The following STK32A variants were observed in gnomAD, a reference collection of about 807,000 sequenced individuals.
STK32A encodes serine/threonine kinase 32A.
Under a neutral mutation model 53.2 loss-of-function variants are expected in STK32A, and 41 were observed. The ratio of observed to expected loss-of-function variants is 0.77; its 90% CI spans 0.60 to 1.00. The LOEUF is 1.00. Ranked by LOEUF, STK32A falls within the 50% of genes least tolerant of loss-of-function variation. The pLI is 0.00. For synonymous variants in STK32A, 166 were observed against 162.8 expected (o/e 1.02, Z -0.15); for missense variants, 458 against 485.8 (o/e 0.94, Z 0.54).
At chr5:147,390,584 GA>G (rs994771324), downstream of STK32A, among the ~76,000 whole-genome samples, 4 of 150,926 alleles carry the variant, frequency 2.7e-5, no homozygotes, top group Non-Finnish European at 5.9e-5. Flanking sequence ...ATCCACAGAA[GA>G]AAAAAACTTA....
At chr5:147,322,580 G>A (rs982620591) in intron 4 of STK32A, among the ~76,000 whole-genome samples, 2 of 152,020 alleles carry the variant, frequency 1.3e-5, no homozygotes, top group African/African-American at 2.4e-5. Context: ...TGCATCCCTG[G>A]GCACTGCTTG....
intron 2 of STK32A, among the ~76,000 whole-genome samples, chr5:147,265,925 T>C (rs1011509040): frequency 3.9e-5 from 6 of 152,174 alleles, no homozygotes; most frequent in Admixed American, 6.5e-5. Context: ...AACCAGTGCT[T>C]ACAATTTGTC....
rs781391712 is a variant in STK32A, at chr5:147,279,373, G to C, written c.235G>C (p.Glu79Gln). 105 of 1,601,498 alleles carry C rather than the reference G, an allele frequency of 6.6e-5. No individual in the cohort carries two copies. The highest frequency in any genetic ancestry group is 8.5e-5 in the Non-Finnish European group (100 of 1,173,672). The change falls in exon 4 of 13, where the codon GAG (glutamate) becomes CAG (glutamine). Residue 79 changes from glutamate to glutamine, a missense_variant. Coordinates refer to ENST00000397936, the MANE Select transcript of STK32A (RefSeq NM_001112724.2). ...FKELQIMQGL[E>Q]HPFLVNLWYS... The stretch of plus-strand genomic sequence containing the variant: ...GGAACTCCAGATCATGCAGGGTCTG[G>C]AGCACCCTTTCCTGGTTAATTTGTG...
chr5:147,239,783 A>G, intron 2 of STK32A, 97 bp downstream of exon 2: 1 of 913,590 alleles, frequency 1.1e-6, no homozygotes, highest in Non-Finnish European at 1.7e-6. Context: ...CATGGTCTGT[A>G]GGGCCTTGAA....
At position 147,279,316 on chromosome 5, in the gene STK32A, G is replaced by T; in HGVS notation, c.178G>T (p.Val60Leu). Residue 60 changes from valine to leucine, a missense_variant, in exon 4 of 13, where the codon GTG becomes TTG. Val to Leu is a conservative substitution (Grantham distance 32, BLOSUM62 1). Transcript: ENST00000397936. ...AMKYMNKQKC[V>L]ERNEVRNVFK... ...GAAGTACATGAATAAACAAAAGTGC[G>T]TGGAGCGCAATGAAGTGAGAAATGT... 1 of 1,613,906 alleles carries T rather than the reference G, an allele frequency of 6.2e-7. No homozygotes were observed. Among genetic ancestry groups the T allele is most frequent in the Non-Finnish European group, 8.5e-7 (1 of 1,179,846 alleles).
chr5:147,315,201 G>C (rs1211539702), intron 4 of STK32A, among the ~76,000 whole-genome samples: 1 of 152,190 alleles, frequency 6.6e-6, no homozygotes, highest in Non-Finnish European at 1.5e-5. Flanking sequence ...GTTTCCATTT[G>C]ATCCAACAAT....
intron 4 of STK32A, among the ~76,000 whole-genome samples, chr5:147,298,359 G>A (rs532931657): frequency 5.9e-5 from 9 of 152,324 alleles, no homozygotes; most frequent in African/African-American, 2.2e-4. Context: ...ACTATTGGAA[G>A]TAAGTCTCTC....
chr5:147,261,388 G>T (rs1754564466), intron 2 of STK32A, among the ~76,000 whole-genome samples: 1 of 152,160 alleles, frequency 6.6e-6, no homozygotes, highest in African/African-American at 2.4e-5. Context: ...TTGCTGCTGT[G>T]TTGTCTCCCT....
chr5:147,247,389 G>T (rs866598591), intron 2 of STK32A, among the ~76,000 whole-genome samples: 1 of 152,176 alleles, frequency 6.6e-6, no homozygotes, highest in African/African-American at 2.4e-5. Context: ...ACAGGACATT[G>T]GCAAAAAGGA....
In STK32A at chr5:147,337,533, G is replaced by T. The variant is rs143649808; in HGVS notation, c.435-5473G>T. ...CTTCTTAGGGGAAAAAGACATGCAG[G>T]GCTTAGTATTCCAACAATTTGAGAA... On this transcript the variant is annotated intron_variant, in intron 5 of 12. Coordinates refer to ENST00000397936, the MANE Select transcript of STK32A (RefSeq NM_001112724.2). Among the ~76,000 whole-genome samples the T allele has an allele frequency of 1.8e-4, 27 of 152,134 alleles. No individual in the cohort carries two copies. The East Asian group carries it at 5.0e-3, about 28-fold the overall frequency.
chr5:147,287,992 A>G (rs191119395), intron 4 of STK32A, among the ~76,000 whole-genome samples: 195 of 152,184 alleles, frequency 1.3e-3, no homozygotes, highest in Middle Eastern at 6.8e-3. Flanking sequence ...GTGAGGCTTT[A>G]AGCTGGCCAA....
chr5:147,330,779 G>C (rs889693501), intron 5 of STK32A, among the ~76,000 whole-genome samples: 2 of 152,276 alleles, frequency 1.3e-5, no homozygotes, highest in Non-Finnish European at 1.5e-5. Context: ...CTCCAAGAAG[G>C]CTGCCCACCT....
chr5:147,272,297 A>G (rs1755075444), intron 2 of STK32A, among the ~76,000 whole-genome samples: 1 of 152,116 alleles, frequency 6.6e-6, no homozygotes, highest in Admixed American at 6.6e-5. Context: ...GGGTGGTCTC[A>G]AACTCCTGAC....
At chr5:147,370,615 C>G (rs766888423) in intron 8 of STK32A, 39 bp from the exon 9 acceptor site, 1 of 1,359,324 alleles carries the variant, frequency 7.4e-7, no homozygotes, top group African/African-American at 1.5e-5. Context: ...TTCTTTTGTC[C>G]TATACAAATG....
intron 1 of STK32A, among the ~76,000 whole-genome samples, chr5:147,235,425 T>G (rs1488980907): frequency 1.3e-5 from 2 of 152,212 alleles, no homozygotes; most frequent in Non-Finnish European, 2.9e-5. Flanking sequence ...TCAATAAATA[T>G]TTGCTGGGTT....
rs532974220 is a variant in STK32A, at chr5:147,311,746, G to C, written c.261-12152G>C. ...TATACTGGCTAATTTAAAAACAGAA[G>C]CCAACAAACAAAAAACACACCTTTT... is the stretch of plus-strand genomic sequence containing the variant. On this transcript the variant is annotated intron_variant, in intron 4 of 12. Coordinates refer to ENST00000397936, the MANE Select transcript of STK32A (RefSeq NM_001112724.2). Among the ~76,000 whole-genome samples, 13 of 152,170 alleles carry C rather than the reference G, an allele frequency of 8.5e-5. No homozygotes were observed. The South Asian group carries it at 2.7e-3, about 32-fold the overall frequency.
In STK32A at chr5:147,383,962, T is replaced by A; in HGVS notation, c.1170T>A (p.Asp390Glu). 1 of 1,607,510 alleles carries A rather than the reference T, an allele frequency of 6.2e-7. No homozygotes were observed. Among genetic ancestry groups the A allele is most frequent in the Non-Finnish European group, 8.5e-7 (1 of 1,177,986 alleles). ...LEQTKDPQGE[D>E]GQNNNL is the part of the protein sequence containing the mutation. ...AAACCAAAGACCCACAAGGTGAGGATGGTCAGAATAACAACTTGTAAAGGC... is the reference window on the plus strand; with the variant it reads ...AAACCAAAGACCCACAAGGTGAGGAAGGTCAGAATAACAACTTGTAAAGGC... The change falls in exon 13 of 13, where the codon GAT becomes GAA. Residue 390 changes from aspartate (D) to glutamate (E), a missense_variant. Transcript: ENST00000397936.
intron 7 of STK32A, among the ~76,000 whole-genome samples, chr5:147,352,160 T>C (rs2151993987): frequency 6.6e-6 from 1 of 152,272 alleles, no homozygotes; most frequent in Admixed American, 6.5e-5. Flanking sequence ...TGCAGTGAGC[T>C]ATGATCATGC....
At chr5:147,372,619 G>A (rs1410029197) in intron 9 of STK32A, among the ~76,000 whole-genome samples, 1 of 151,818 alleles carries the variant, frequency 6.6e-6, no homozygotes, top group African/African-American at 2.4e-5. Flanking sequence ...ATGGTTAAGG[G>A]GGCAAAAATC....
Sources: allele counts gnomAD v4.1 joint callset (sites outside exome capture counted in the v4.1 genomes callset), GRCh38; gene constraint gnomAD v4.1.1; transcripts MANE v1.5; gene names NCBI Gene and HGNC (gene_info 2026-07-23, HGNC 2026-07-21).